The following TMTC1 variants were observed in gnomAD, a reference collection of about 807,000 sequenced individuals.
The protein encoded by TMTC1 is transmembrane O-mannosyltransferase targeting cadherins 1.
TMTC1 carries 73 observed loss-of-function variants against 104.8 expected under a neutral mutation model. That is an observed-to-expected ratio of 0.70 (90% CI 0.58 to 0.85). TMTC1 has a LOEUF of 0.85. Ranked by LOEUF, TMTC1 falls within the 40% of genes least tolerant of loss-of-function variation. TMTC1 has a pLI of 0.00. For synonymous variants in TMTC1, 434 were observed against 428.7 expected (o/e 1.01, Z -0.15); for missense variants, 1,035 against 1,096.1 (o/e 0.94, Z 0.79).
At chr12:29,521,582 TTG>T in intron 11 of TMTC1, among the ~76,000 whole-genome samples, 1 of 148,770 alleles carries the variant, frequency 6.7e-6, no homozygotes, top group South Asian at 2.1e-4. Flanking sequence ...TTTTTTTTTT[TTG>T]AGACAGAGAG....
chr12:29,708,738 A>T (rs976539951), intron 5 of TMTC1, among the ~76,000 whole-genome samples: 1 of 152,184 alleles, frequency 6.6e-6, no homozygotes, highest in Non-Finnish European at 1.5e-5. Flanking sequence ...AAACCCAAAT[A>T]TCAACCTAGA....
At chr12:29,715,062 G>C (rs1437965386) in intron 5 of TMTC1, among the ~76,000 whole-genome samples, 2 of 152,330 alleles carry the variant, frequency 1.3e-5, no homozygotes, top group East Asian at 3.9e-4. Context: ...AGGGCACCCA[G>C]AAATGGTATA....
chr12:29,739,480 C>T (rs1448913628), intron 5 of TMTC1, among the ~76,000 whole-genome samples: 1 of 152,168 alleles, frequency 6.6e-6, no homozygotes, highest in South Asian at 2.1e-4. Context: ...ATTCTGTGTA[C>T]ATACTTCAAG....
At chr12:29,565,094 G>C (rs1326930934) in intron 9 of TMTC1, among the ~76,000 whole-genome samples, 1 of 152,172 alleles carries the variant, frequency 6.6e-6, no homozygotes, top group African/African-American at 2.4e-5. Flanking sequence ...TCATGATTGT[G>C]GGGGCTGGCA....
At chr12:29,663,995 G>C (rs1056335910) in intron 5 of TMTC1, among the ~76,000 whole-genome samples, 8 of 151,764 alleles carry the variant, frequency 5.3e-5, no homozygotes, top group Admixed American at 1.3e-4. Flanking sequence ...AGACCATCCC[G>C]GCTAAAACGG....
intron 5 of TMTC1, among the ~76,000 whole-genome samples, chr12:29,640,132 C>T (rs368418015): frequency 5.9e-5 from 9 of 152,240 alleles, no homozygotes; most frequent in Admixed American, 2.6e-4. Context: ...TCCAAACACC[C>T]GATGAAAGAA....
At chr12:29,729,300 C>T (rs1372116688) in intron 5 of TMTC1, among the ~76,000 whole-genome samples, 1 of 151,916 alleles carries the variant, frequency 6.6e-6, no homozygotes, top group African/African-American at 2.4e-5. Flanking sequence ...TCCTTGGAGG[C>T]AGAGAATTTC....
chr12:29,619,039 CTA>C (rs1003797993), intron 6 of TMTC1, among the ~76,000 whole-genome samples: 3 of 151,954 alleles, frequency 2.0e-5, no homozygotes, highest in African/African-American at 7.2e-5. Context: ...ATAATATAGA[CTA>C]TGAAATCTCA....
chr12:29,747,589 G>A (rs1002793095), intron 5 of TMTC1, among the ~76,000 whole-genome samples: 1 of 152,114 alleles, frequency 6.6e-6, no homozygotes, highest in Non-Finnish European at 1.5e-5. Context: ...TAATAGTTTT[G>A]AAGTTGAACA....
chr12:29,532,005 T>C (rs1178478824), intron 11 of TMTC1, among the ~76,000 whole-genome samples: 1 of 152,170 alleles, frequency 6.6e-6, no homozygotes, highest in Non-Finnish European at 1.5e-5. Context: ...TGAATCACCA[T>C]GAGCGGCCAC....
intron 9 of TMTC1, 87 bp downstream of exon 9, chr12:29,572,018 T>C (rs1379380273): frequency 6.8e-6 from 7 of 1,022,498 alleles, no homozygotes; most frequent in Non-Finnish European, 1.1e-5. Flanking sequence ...ACAAACAAAC[T>C]CCCTCTCCAT....
In TMTC1 at chr12:29,685,538, T is replaced by C. The variant is rs191413434; in HGVS notation, c.939-52202A>G. On this transcript the variant is annotated intron_variant, in intron 5 of 17. Transcript: ENST00000539277. ...CACAATATCTCATTCTATATACCTA[T>C]GGTTCTAAAACAAATTTCACAAACC... Among the ~76,000 whole-genome samples the C allele has an allele frequency of 5.3e-5, 8 of 152,168 alleles. No homozygotes were observed. In the East Asian group the frequency reaches 1.5e-3, roughly 29 times the overall value.
chr12:29,615,929 A>G (rs1047581747), intron 6 of TMTC1, among the ~76,000 whole-genome samples: 3 of 152,198 alleles, frequency 2.0e-5, no homozygotes, highest in Admixed American at 6.5e-5. Flanking sequence ...AGGTCCAGTG[A>G]CCCAGGCACC....
intron 8 of TMTC1, among the ~76,000 whole-genome samples, chr12:29,580,183 G>A (rs893187999): frequency 2.0e-5 from 3 of 152,054 alleles, no homozygotes; most frequent in African/African-American, 7.2e-5. Context: ...ACCGGGTGTG[G>A]TGGCACACAC....
chr12:29,558,770 T>A (rs1592230550), intron 9 of TMTC1, among the ~76,000 whole-genome samples: 1 of 152,186 alleles, frequency 6.6e-6, no homozygotes, highest in Non-Finnish European at 1.5e-5. Flanking sequence ...ACTGGCCCCA[T>A]TACATCCAAC....
chr12:29,558,019 A>C (rs552170378), intron 9 of TMTC1, among the ~76,000 whole-genome samples: 2 of 152,328 alleles, frequency 1.3e-5, no homozygotes, highest in South Asian at 2.1e-4. Flanking sequence ...AATGTTCAAA[A>C]GCAAATGTAA....
chr12:29,603,504 GGTCA>G (rs914504850), intron 7 of TMTC1, among the ~76,000 whole-genome samples: 2 of 152,164 alleles, frequency 1.3e-5, no homozygotes, highest in Middle Eastern at 3.4e-3. Flanking sequence ...TCTTGTTCAA[GGTCA>G]GTCAACCAAT....
At position 29,506,737 on chromosome 12, in the gene TMTC1, T is replaced by A. The variant is rs1025256116; in HGVS notation, c.*109A>T. 2 of 1,396,180 alleles carry A rather than the reference T, an allele frequency of 1.4e-6. No individual in the cohort carries two copies. Among genetic ancestry groups the A allele is most frequent in the Non-Finnish European group, 1.0e-6 (1 of 999,616 alleles). The allele number at this position is 1,396,180 out of a possible 1,614,324, so 86.5% of individuals were successfully genotyped here. A position where few individuals can be genotyped will look rare whatever the true frequency, so the allele number is the denominator to read the frequency against. On this transcript the variant is annotated 3_prime_UTR_variant, in exon 18 of 18. Transcript: ENST00000539277. ...AAAATGTGTCACCCTGAACTCGGAA[T>A]GAGAGAAAATCTCATTAGTTGTGCC...
At chr12:29,737,959 G>A (rs1453079902) in intron 5 of TMTC1, among the ~76,000 whole-genome samples, 1 of 152,140 alleles carries the variant, frequency 6.6e-6, no homozygotes, top group African/African-American at 2.4e-5. Flanking sequence ...ACACTGAAAA[G>A]TAGCACCACA....
Sources: allele counts gnomAD v4.1 joint callset (sites outside exome capture counted in the v4.1 genomes callset), GRCh38; gene constraint gnomAD v4.1.1; transcripts MANE v1.5; gene names NCBI Gene and HGNC (gene_info 2026-07-23, HGNC 2026-07-21).